The following SLC24A2 variants were observed in gnomAD, a reference collection of about 807,000 sequenced individuals.
The protein encoded by SLC24A2 is solute carrier family 24 member 2.
A neutral mutation model predicts 62.0 loss-of-function variants in SLC24A2; 36 were observed. The observed-to-expected ratio is 0.58, with a 90% CI of 0.44 to 0.77. SLC24A2 has a LOEUF of 0.77. Among genes scored for constraint, SLC24A2 ranks in the 30% least tolerant of loss-of-function variants. The pLI is 0.00. For missense variants in SLC24A2, 846 were observed against 817.9 expected, an observed-to-expected ratio of 1.03 and a Z score of -0.42; for synonymous variants, 358 against 294.0, an observed-to-expected ratio of 1.22 and a Z score of -2.23.
At chr9:20,008,568 G>A in the SLC24A2 span, among the ~76,000 whole-genome samples, 1 of 152,084 alleles carries the variant, frequency 6.6e-6, no homozygotes, top group South Asian at 2.1e-4. Context: ...CATGACTTCT[G>A]CTTCCTGTAC....
the SLC24A2 span, among the ~76,000 whole-genome samples, chr9:20,284,864 C>A: frequency 4.6e-5 from 7 of 152,148 alleles, no homozygotes; most frequent in Admixed American, 1.3e-4. Flanking sequence ...ACAGCATGTA[C>A]ATGTTTAAAG....
At chr9:19,581,521 A>G (rs1183365001) in intron 5 of SLC24A2, among the ~76,000 whole-genome samples, 4 of 152,228 alleles carry the variant, frequency 2.6e-5, no homozygotes, top group Non-Finnish European at 5.9e-5. Context: ...GGAAGGTCCA[A>G]TGGGTTAATA....
chr9:19,864,032 C>T, the SLC24A2 span, among the ~76,000 whole-genome samples: 10 of 151,794 alleles, frequency 6.6e-5, no homozygotes, highest in African/African-American at 2.2e-4. Flanking sequence ...TTCAAAGGAT[C>T]GTTAGTGGCT....
intron 2 of SLC24A2, among the ~76,000 whole-genome samples, chr9:19,708,981 G>A (rs1820624542): frequency 1.3e-5 from 2 of 151,910 alleles, no homozygotes; most frequent in Admixed American, 1.3e-4. Context: ...CTACAAAATG[G>A]GAGAAAATTT....
chr9:19,855,666 T>C, the SLC24A2 span, among the ~76,000 whole-genome samples: 1 of 152,232 alleles, frequency 6.6e-6, no homozygotes, highest in African/African-American at 2.4e-5. Flanking sequence ...CTGCTGTTAG[T>C]CTGATGGGCT....
chr9:19,863,809 C>A, the SLC24A2 span, among the ~76,000 whole-genome samples: 1 of 150,404 alleles, frequency 6.6e-6, no homozygotes, highest in Non-Finnish European at 1.5e-5. Flanking sequence ...AAAGGAAACC[C>A]AAAATTAGTA....
rs114922271 is a variant in SLC24A2, at chr9:19,530,883, T to A, written c.1480-2745A>T. Among the ~76,000 whole-genome samples, 1,435 of 152,260 alleles carry A rather than the reference T, an allele frequency of 9.4e-3. 25 individuals are homozygous for A. The highest frequency in any genetic ancestry group is 0.033 in the African/African-American group (1,373 of 41,552). On this transcript the variant is annotated intron_variant, in intron 8 of 10. Coordinates refer to ENST00000341998, the MANE Select transcript of SLC24A2 (RefSeq NM_020344.4). Reference sequence around the variant, plus strand: ...CCCAGATCCTGAACTAGAGATAAAATTCAAACTAGGTCAGCCTGACTGTAC... The same window carrying A: ...CCCAGATCCTGAACTAGAGATAAAAATCAAACTAGGTCAGCCTGACTGTAC...
At chr9:19,653,752 T>C (rs1564019473) in intron 2 of SLC24A2, among the ~76,000 whole-genome samples, 1 of 152,176 alleles carries the variant, frequency 6.6e-6, no homozygotes, top group Admixed American at 6.5e-5. Flanking sequence ...TTGTACATGG[T>C]ATGTTTGTGG....
the SLC24A2 span, among the ~76,000 whole-genome samples, chr9:20,261,349 A>G: frequency 1.3e-3 from 194 of 152,286 alleles, 1 homozygote; most frequent in Non-Finnish European, 1.7e-3. Flanking sequence ...CAACAGGCTG[A>G]CATCTAGTGA....
At chr9:20,124,880 T>A in the SLC24A2 span, among the ~76,000 whole-genome samples, 4 of 152,340 alleles carry the variant, frequency 2.6e-5, no homozygotes, top group Non-Finnish European at 4.4e-5. Flanking sequence ...AAGATTCATT[T>A]ATTGAAGATA....
chr9:19,964,986 T>C, the SLC24A2 span, among the ~76,000 whole-genome samples: 1 of 152,180 alleles, frequency 6.6e-6, no homozygotes, highest in Non-Finnish European at 1.5e-5. Flanking sequence ...CCCATGGAGT[T>C]CAAGCTCCAG....
At chr9:20,199,448 C>T in the SLC24A2 span, among the ~76,000 whole-genome samples, 1 of 152,182 alleles carries the variant, frequency 6.6e-6, no homozygotes, top group African/African-American at 2.4e-5. Context: ...TGCTTCTTAA[C>T]CATTGGCATC....
At chr9:20,231,633 G>A in the SLC24A2 span, among the ~76,000 whole-genome samples, 1 of 152,108 alleles carries the variant, frequency 6.6e-6, no homozygotes, top group Non-Finnish European at 1.5e-5. Context: ...GGAGATTTTG[G>A]ACTGAGACGA....
the SLC24A2 span, among the ~76,000 whole-genome samples, chr9:19,875,511 C>T: frequency 2.0e-5 from 3 of 152,140 alleles, no homozygotes; most frequent in Admixed American, 6.5e-5. Context: ...GATGTGTTAC[C>T]AAGTCCTGCA....
intron 8 of SLC24A2, among the ~76,000 whole-genome samples, chr9:19,541,207 G>A (rs865878140): frequency 0.015 from 2,192 of 141,868 alleles, 55 homozygotes; most frequent in African/African-American, 0.054. Context: ...CTCTCAGCTC[G>A]TCAAAATCAT....
the SLC24A2 span, among the ~76,000 whole-genome samples, chr9:20,177,155 T>A: frequency 6.6e-6 from 1 of 152,146 alleles, no homozygotes; most frequent in Non-Finnish European, 1.5e-5. Flanking sequence ...ACTTATTATC[T>A]TTATTCTTGA....
chr9:19,965,021 T>C, the SLC24A2 span, among the ~76,000 whole-genome samples: 1 of 152,234 alleles, frequency 6.6e-6, no homozygotes, highest in Admixed American at 6.5e-5. Context: ...AACAGCCTTA[T>C]GGAGACTGCG....
chr9:19,586,921 A>G (rs138398785), intron 5 of SLC24A2, among the ~76,000 whole-genome samples: 1 of 152,324 alleles, frequency 6.6e-6, no homozygotes, highest in East Asian at 1.9e-4. Flanking sequence ...CAGAAGCTTT[A>G]AATGTCTTCT....
At chr9:19,913,124 C>G in the SLC24A2 span, among the ~76,000 whole-genome samples, 1 of 152,032 alleles carries the variant, frequency 6.6e-6, no homozygotes, top group South Asian at 2.1e-4. Context: ...ATTTTACATA[C>G]TCTTCCCAGG....
Sources: gnomAD v4.1 joint callset for allele counts (sites outside exome capture counted in the v4.1 genomes callset) on GRCh38, gnomAD v4.1.1 for gene constraint, MANE v1.5 for transcripts, NCBI Gene and HGNC (gene_info 2026-07-23, HGNC 2026-07-21) for gene names.